ABTB3: variants seen among roughly 807,000 people sequenced by gnomAD.
The protein encoded by ABTB3 is ankyrin repeat- and BTB/POZ domain-containing protein 3.
At chr12:107,424,190 T>A in the ABTB3 span, among the ~76,000 whole-genome samples, 2 of 152,156 alleles carry the variant, frequency 1.3e-5, no homozygotes, top group East Asian at 3.9e-4. Context: ...CCTGGGGTCG[T>A]CTCCCTGGTT....
At chr12:107,416,211 C>T in the ABTB3 span, among the ~76,000 whole-genome samples, 3 of 152,188 alleles carry the variant, frequency 2.0e-5, no homozygotes, top group African/African-American at 7.2e-5. Context: ...AAAGGAGGCT[C>T]TTCCATATTT....
At chr12:107,350,346 T>A in the ABTB3 span, among the ~76,000 whole-genome samples, 1 of 151,890 alleles carries the variant, frequency 6.6e-6, no homozygotes, top group African/African-American at 2.4e-5. Flanking sequence ...GTCAGGAGAT[T>A]GAGACCATCC....
the ABTB3 span, among the ~76,000 whole-genome samples, chr12:107,485,773 A>C: frequency 1.3e-5 from 2 of 152,234 alleles, no homozygotes; most frequent in Non-Finnish European, 2.9e-5. Context: ...ACTGTAGTTG[A>C]AATTATTTTA....
At chr12:107,393,136 CT>C in the ABTB3 span, among the ~76,000 whole-genome samples, 1 of 152,192 alleles carries the variant, frequency 6.6e-6, no homozygotes, top group Non-Finnish European at 1.5e-5. Flanking sequence ...TCAGGAAACG[CT>C]TCCTTGAGGG....
At chr12:107,454,569 A>G in the ABTB3 span, among the ~76,000 whole-genome samples, 3 of 152,144 alleles carry the variant, frequency 2.0e-5, no homozygotes, top group Admixed American at 2.0e-4. Flanking sequence ...TTGGGGAGCA[A>G]TTCAGCTGTG....
chr12:107,651,175 C>G, the ABTB3 span, among the ~76,000 whole-genome samples: 2 of 152,092 alleles, frequency 1.3e-5, no homozygotes, highest in African/African-American at 2.4e-5. Flanking sequence ...AGATCCCTGC[C>G]CTCCTGGACT....
chr12:107,469,932 CTCTT>C, the ABTB3 span, among the ~76,000 whole-genome samples: 1 of 79,160 alleles, frequency 1.3e-5, no homozygotes, highest in Non-Finnish European at 2.4e-5. Flanking sequence ...CTCTCTCTCT[CTCTT>C]TCTTTCTCTT....
the ABTB3 span, chr12:107,658,389 T>G: frequency 6.6e-6 from 1 of 152,476 alleles, no homozygotes; most frequent in Non-Finnish European, 1.5e-5. Flanking sequence ...TAAACATGCA[T>G]CTGATAAGAT....
the ABTB3 span, chr12:107,610,468 C>T: frequency 8.3e-7 from 1 of 1,209,358 alleles, no homozygotes; most frequent in Non-Finnish European, 1.2e-6. Context: ...GAGGCTCCCC[C>T]TACTGACGGC....
At chr12:107,561,118 C>A in the ABTB3 span, among the ~76,000 whole-genome samples, 2 of 152,144 alleles carry the variant, frequency 1.3e-5, no homozygotes, top group Non-Finnish European at 2.9e-5. Context: ...AAACTTCCCA[C>A]CTGGAGCAAG....
At chr12:107,443,691 G>C in the ABTB3 span, among the ~76,000 whole-genome samples, 8 of 152,100 alleles carry the variant, frequency 5.3e-5, no homozygotes, top group Admixed American at 4.6e-4. Flanking sequence ...GTCGTGTTGG[G>C]AATAGATGCT....
chr12:107,463,282 GTGA>G, the ABTB3 span, among the ~76,000 whole-genome samples: 25 of 151,518 alleles, frequency 1.6e-4, no homozygotes, highest in Non-Finnish European at 3.1e-4. Context: ...TAGAGTGACA[GTGA>G]TGATGATGGT....
chr12:107,643,551 C>A, the ABTB3 span, among the ~76,000 whole-genome samples: 1 of 152,018 alleles, frequency 6.6e-6, no homozygotes, highest in Non-Finnish European at 1.5e-5. Flanking sequence ...GTGCCCATGT[C>A]CCCTCAGCCT....
the ABTB3 span, among the ~76,000 whole-genome samples, chr12:107,657,341 T>C: frequency 2.0e-4 from 31 of 152,190 alleles, no homozygotes; most frequent in African/African-American, 7.0e-4. Flanking sequence ...AACCCTTTGA[T>C]AGCATGAGCC....
the ABTB3 span, among the ~76,000 whole-genome samples, chr12:107,482,019 G>A: frequency 1.3e-5 from 2 of 151,634 alleles, no homozygotes; most frequent in Non-Finnish European, 1.5e-5. Context: ...CTGTTGTTTC[G>A]AGGAAGTGAT....
the ABTB3 span, among the ~76,000 whole-genome samples, chr12:107,424,438 C>T: frequency 3.9e-5 from 6 of 152,116 alleles, no homozygotes; most frequent in Admixed American, 6.5e-5. Flanking sequence ...GATTCAGGAT[C>T]GAGAGTAGAG....
the ABTB3 span, among the ~76,000 whole-genome samples, chr12:107,599,725 G>T: frequency 5.3e-5 from 8 of 151,980 alleles, no homozygotes; most frequent in African/African-American, 1.9e-4. Flanking sequence ...TTGTATTACC[G>T]CACCTAATCC....
At chr12:107,533,367 G>C in the ABTB3 span, among the ~76,000 whole-genome samples, 8 of 152,152 alleles carry the variant, frequency 5.3e-5, no homozygotes, top group Non-Finnish European at 1.0e-4. Context: ...GCTAGGTGCT[G>C]CCCACAGGAA....
chr12:107,537,977 C>A, the ABTB3 span, among the ~76,000 whole-genome samples: 127 of 152,294 alleles, frequency 8.3e-4, no homozygotes, highest in African/African-American at 3.0e-3. Context: ...TCTGACCTCC[C>A]AGCCAAGGGC....
Sources: allele counts gnomAD v4.1 joint callset (sites outside exome capture counted in the v4.1 genomes callset), GRCh38; gene constraint gnomAD v4.1.1; transcripts MANE v1.5; gene names NCBI Gene and HGNC (gene_info 2026-07-23, HGNC 2026-07-21).